CSMD1: variants seen among roughly 807,000 people sequenced by gnomAD.
CSMD1 encodes the protein CUB and sushi domain-containing protein 1.
CSMD1 carries 213 observed loss-of-function variants against 417.5 expected under a neutral mutation model. The ratio of observed to expected loss-of-function variants is 0.51; its 90% CI spans 0.46 to 0.57. The LOEUF is 0.57. Among genes scored for constraint, CSMD1 ranks in the 20% least tolerant of loss-of-function variants. The pLI, the probability that CSMD1 is intolerant of heterozygous loss-of-function variation, is 0.00. For missense variants in CSMD1, 6,923 were observed against 4,529.7 expected (o/e 1.53, Z -15.17); for synonymous variants, 2,862 against 1,736.8 (o/e 1.65, Z -16.11).
At chr8:4,352,108 T>C (rs995248787) in intron 3 of CSMD1, among the ~76,000 whole-genome samples, 9 of 152,168 alleles carry the variant, frequency 5.9e-5, no homozygotes, top group African/African-American at 2.2e-4. Context: ...CTTTGTAAAT[T>C]AGAGAATGAG....
At chr8:3,368,986 C>A (rs1164874044) in intron 19 of CSMD1, among the ~76,000 whole-genome samples, 1 of 152,102 alleles carries the variant, frequency 6.6e-6, no homozygotes, top group African/African-American at 2.4e-5. Flanking sequence ...TTATTCCTTA[C>A]CACGATAGCT....
chr8:4,617,403 A>T (rs2130805766), intron 2 of CSMD1, among the ~76,000 whole-genome samples: 1 of 152,318 alleles, frequency 6.6e-6, no homozygotes, highest in South Asian at 2.1e-4. Context: ...TAACCCTGTC[A>T]TTCCATATTT....
chr8:4,956,878 C>G (rs1809150484), intron 1 of CSMD1, among the ~76,000 whole-genome samples: 1 of 152,132 alleles, frequency 6.6e-6, no homozygotes, highest in South Asian at 2.1e-4. Flanking sequence ...CCCTCCACAC[C>G]AAGCGGCAAT....
chr8:4,320,323 T>A (rs1335869772), intron 3 of CSMD1, among the ~76,000 whole-genome samples: 1 of 152,176 alleles, frequency 6.6e-6, no homozygotes, highest in African/African-American at 2.4e-5. Flanking sequence ...TTCAGGCTAT[T>A]TGTTTTCCTT....
intron 1 of CSMD1, among the ~76,000 whole-genome samples, chr8:4,928,154 C>G (rs1462796464): frequency 6.6e-6 from 1 of 152,148 alleles, no homozygotes; most frequent in Non-Finnish European, 1.5e-5. Flanking sequence ...GGGACGCACA[C>G]ATAGACTTTC....
intron 2 of CSMD1, among the ~76,000 whole-genome samples, chr8:4,608,428 CTT>C (rs1800996536): frequency 6.6e-6 from 1 of 152,120 alleles, no homozygotes; most frequent in Middle Eastern, 3.2e-3. Flanking sequence ...TGAAAGTGGA[CTT>C]GACATGATTT....
chr8:4,782,027 G>T (rs1201245177), intron 1 of CSMD1, among the ~76,000 whole-genome samples: 1 of 152,088 alleles, frequency 6.6e-6, no homozygotes, highest in East Asian at 1.9e-4. Context: ...ACCTTTCTCA[G>T]TCCAAAATTA....
chr8:3,967,595 C>T (rs559001000), intron 5 of CSMD1, among the ~76,000 whole-genome samples: 36 of 152,190 alleles, frequency 2.4e-4, no homozygotes, highest in South Asian at 8.3e-4. Context: ...TAGAGTCAGA[C>T]GGTTCACAAC....
chr8:4,547,741 A>G (rs572117516), intron 2 of CSMD1, among the ~76,000 whole-genome samples: 1 of 152,370 alleles, frequency 6.6e-6, no homozygotes, highest in Non-Finnish European at 1.5e-5. Flanking sequence ...TGATTCTGAT[A>G]CAAGGAATTT....
chr8:3,642,478 C>T (rs1314018891), intron 7 of CSMD1, among the ~76,000 whole-genome samples: 2 of 152,144 alleles, frequency 1.3e-5, no homozygotes, highest in Non-Finnish European at 2.9e-5. Context: ...AGTAGTGACC[C>T]AAGCAAACAC....
chr8:4,634,226 G>A (rs886881829), intron 2 of CSMD1, among the ~76,000 whole-genome samples: 1 of 151,892 alleles, frequency 6.6e-6, no homozygotes, highest in African/African-American at 2.4e-5. Context: ...ATAATATAAA[G>A]GATATATTAA....
At position 3,427,944 on chromosome 8, in the gene CSMD1, G is replaced by A. The variant is rs755733452; in HGVS notation, c.1562-18339C>T. Among the ~76,000 whole-genome samples, 23 of 152,104 alleles carry A rather than the reference G, an allele frequency of 1.5e-4. 1 individual carries two copies. The highest frequency in any genetic ancestry group is 3.3e-4 in the Admixed American group (5 of 15,272). ...CTGACAAGCGCCCTTGCAGAATCAG[G>A]AATTAATAAGGTAAAGGAATTTTGA... On this transcript the variant is annotated intron_variant, in intron 12 of 69. Coordinates refer to ENST00000635120, the MANE Select transcript of CSMD1 (RefSeq NM_033225.6).
intron 1 of CSMD1, among the ~76,000 whole-genome samples, chr8:4,872,027 C>T (rs1460568701): frequency 6.6e-6 from 1 of 152,148 alleles, no homozygotes; most frequent in Non-Finnish European, 1.5e-5. Flanking sequence ...GCAAAATCCT[C>T]ATGGCTCCTG....
chr8:3,829,395 T>C (rs1184387031), intron 5 of CSMD1, among the ~76,000 whole-genome samples: 5 of 152,200 alleles, frequency 3.3e-5, no homozygotes, highest in Admixed American at 2.6e-4. Flanking sequence ...GTTTCAGGTT[T>C]CAACCTACAA....
At position 4,424,964 on chromosome 8, in the gene CSMD1, A is replaced by G. The variant is rs187822884; in HGVS notation, c.303-4899T>C. On this transcript the variant is annotated intron_variant, in intron 2 of 69. Transcript: ENST00000635120. ...CTGAGAGGTACTCAAGAACATATTA[A>G]GATTAAAATAATCTAGTAACCAAAA... is the stretch of plus-strand genomic sequence containing the variant. Among the ~76,000 whole-genome samples the G allele has an allele frequency of 9.7e-4, 147 of 152,240 alleles. 1 individual carries two copies. The highest frequency in any genetic ancestry group is 3.4e-3 in the African/African-American group (142 of 41,548).
chr8:4,180,444 G>T, intron 3 of CSMD1, among the ~76,000 whole-genome samples: 1 of 124,312 alleles, frequency 8.0e-6, no homozygotes, highest in African/African-American at 3.0e-5. Context: ...GGGGGAGGGG[G>T]GAGGGATAGC....
At chr8:4,579,573 A>T (rs1380256460) in intron 2 of CSMD1, among the ~76,000 whole-genome samples, 1 of 152,066 alleles carries the variant, frequency 6.6e-6, no homozygotes, top group Non-Finnish European at 1.5e-5. Context: ...CATGTTAGCC[A>T]GGCTGGTCTC....
intron 3 of CSMD1, among the ~76,000 whole-genome samples, chr8:4,324,222 T>C (rs1799425285): frequency 6.6e-6 from 1 of 152,204 alleles, no homozygotes; most frequent in Non-Finnish European, 1.5e-5. Flanking sequence ...GTATGATGCA[T>C]CTGCAGAGAT....
intron 2 of CSMD1, among the ~76,000 whole-genome samples, chr8:4,578,975 G>C (rs1799278862): frequency 1.3e-5 from 2 of 151,636 alleles, no homozygotes; most frequent in Non-Finnish European, 2.9e-5. Context: ...TTTTTAAACA[G>C]CATCTTTTCA....
Sources: gnomAD v4.1 joint callset for allele counts (sites outside exome capture counted in the v4.1 genomes callset) on GRCh38, gnomAD v4.1.1 for gene constraint, MANE v1.5 for transcripts, NCBI Gene and HGNC (gene_info 2026-07-23, HGNC 2026-07-21) for gene names.